CADM1: variants seen among roughly 807,000 people sequenced by gnomAD.
CADM1 encodes the protein TSLC-1.
A neutral mutation model predicts 53.1 loss-of-function variants in CADM1; 15 were observed. The observed-to-expected ratio is 0.28, with a 90% CI of 0.19 to 0.44. The LOEUF is 0.44. Ranked by LOEUF, CADM1 falls within the 20% of genes least tolerant of loss-of-function variation. CADM1 has a pLI of 1.00. For synonymous variants in CADM1, 281 were observed against 243.0 expected, an observed-to-expected ratio of 1.16 and a Z score of -1.45; for missense variants, 434 against 611.3, an observed-to-expected ratio of 0.71 and a Z score of 3.06.
chr11:115,354,568 T>A (rs558643016), intron 1 of CADM1, among the ~76,000 whole-genome samples: 2 of 152,166 alleles, frequency 1.3e-5, no homozygotes, highest in Non-Finnish European at 2.9e-5. Flanking sequence ...GATGGGAGCA[T>A]TGGAGACACA....
chr11:115,383,462 A>C (rs1946626799), intron 1 of CADM1, among the ~76,000 whole-genome samples: 1 of 152,228 alleles, frequency 6.6e-6, no homozygotes, highest in Non-Finnish European at 1.5e-5. Context: ...GCTAATAGGC[A>C]AGAAGAATAA....
intron 1 of CADM1, among the ~76,000 whole-genome samples, chr11:115,467,230 C>T (rs907957840): frequency 6.6e-6 from 1 of 152,174 alleles, no homozygotes; most frequent in South Asian, 2.1e-4. Flanking sequence ...ATTTAAGAAT[C>T]TAAATTAGGC....
intron 1 of CADM1, among the ~76,000 whole-genome samples, chr11:115,254,270 G>A (rs938176189): frequency 4.6e-5 from 7 of 152,064 alleles, no homozygotes; most frequent in Non-Finnish European, 8.8e-5. Context: ...ATGGGTGCTA[G>A]GCGCTCTCAC....
chr11:115,177,343 T>G (rs1380361262), intron 11 of CADM1, among the ~76,000 whole-genome samples: 2 of 152,072 alleles, frequency 1.3e-5, no homozygotes. Context: ...CTGGGGACAC[T>G]CTTATCACCA....
chr11:115,495,201 GAA>G (rs1285308785), intron 1 of CADM1, among the ~76,000 whole-genome samples: 1 of 152,036 alleles, frequency 6.6e-6, no homozygotes, highest in East Asian at 1.9e-4. Context: ...GTTTCTGCAA[GAA>G]AAATGAAGCA....
intron 1 of CADM1, among the ~76,000 whole-genome samples, chr11:115,246,089 G>A (rs953470926): frequency 6.6e-6 from 1 of 152,224 alleles, no homozygotes; most frequent in Admixed American, 6.5e-5. Flanking sequence ...AGGGTCCAAA[G>A]AGAGGGGCCC....
chr11:115,191,659 A>C (rs1036074856), intron 9 of CADM1, among the ~76,000 whole-genome samples: 6 of 152,206 alleles, frequency 3.9e-5, no homozygotes, highest in African/African-American at 1.4e-4. Context: ...ATTTGAATTA[A>C]AAGGGGTGAA....
At chr11:115,254,593 C>CACAGAGAGAG (rs1491508599) in intron 1 of CADM1, among the ~76,000 whole-genome samples, 2 of 136,296 alleles carry the variant, frequency 1.5e-5, no homozygotes, top group African/African-American at 5.8e-5. Flanking sequence ...CACACACACA[C>CACAGAGAGAG]AGAGACAACA....
At chr11:115,468,022 G>T (rs763185028) in intron 1 of CADM1, among the ~76,000 whole-genome samples, 2 of 152,026 alleles carry the variant, frequency 1.3e-5, no homozygotes, top group African/African-American at 2.4e-5. Flanking sequence ...TCATAACCAG[G>T]TGCTACACTC....
intron 1 of CADM1, among the ~76,000 whole-genome samples, chr11:115,436,609 C>T (rs1948189178): frequency 6.6e-6 from 1 of 152,188 alleles, no homozygotes; most frequent in South Asian, 2.1e-4. Context: ...GACAGGTTAG[C>T]TTCTCTCTCC....
At chr11:115,219,232 G>C (rs1941312200) in intron 5 of CADM1, among the ~76,000 whole-genome samples, 1 of 152,172 alleles carries the variant, frequency 6.6e-6, no homozygotes, top group African/African-American at 2.4e-5. Context: ...TGGAATAAGG[G>C]AGAAGATAGA....
At chr11:115,180,780 G>C (rs1939273732) in intron 10 of CADM1, among the ~76,000 whole-genome samples, 1 of 152,076 alleles carries the variant, frequency 6.6e-6, no homozygotes, top group South Asian at 2.1e-4. Context: ...TTGCTCATGG[G>C]GGACAAAAGT....
intron 6 of CADM1, among the ~76,000 whole-genome samples, chr11:115,216,319 GTAATTTAC>G (rs1459318351): frequency 3.3e-5 from 5 of 152,230 alleles, no homozygotes; most frequent in Non-Finnish European, 7.3e-5. Flanking sequence ...AAGGAAACAT[GTAATTTAC>G]TGTCCCCGTG....
chr11:115,343,085 G>A (rs1945490223), intron 1 of CADM1, among the ~76,000 whole-genome samples: 1 of 152,036 alleles, frequency 6.6e-6, no homozygotes, highest in Non-Finnish European at 1.5e-5. Flanking sequence ...ATCTTGTATT[G>A]TGTCCTTATT....
intron 1 of CADM1, among the ~76,000 whole-genome samples, chr11:115,500,460 C>T (rs888529235): frequency 4.6e-5 from 7 of 152,064 alleles, no homozygotes; most frequent in African/African-American, 1.7e-4. Flanking sequence ...GCAATATAGG[C>T]CAAGGAATAA....
At chr11:115,454,951 C>T (rs1948651037) in intron 1 of CADM1, among the ~76,000 whole-genome samples, 1 of 152,146 alleles carries the variant, frequency 6.6e-6, no homozygotes. Context: ...AGTTTCCTTG[C>T]CAGCCCATAA....
intron 1 of CADM1, among the ~76,000 whole-genome samples, chr11:115,308,192 G>A (rs1317401049): frequency 0.011 from 763 of 70,350 alleles, 21 homozygotes; most frequent in African/African-American, 0.04. Context: ...ACTCATAGGT[G>A]TGTATATATA....
chr11:115,209,549 T>G, intron 8 of CADM1, 25 bp downstream of exon 8: 1 of 1,612,810 alleles, frequency 6.2e-7, no homozygotes, highest in Non-Finnish European at 8.5e-7. Context: ...TCAGGACATT[T>G]TCAATGGTAA....
Position 115,374,189 on chromosome 11 carries a change from G to A in CADM1, c.124+130082C>T, listed in dbSNP as rs184234456. On this transcript the variant is annotated intron_variant, in intron 1 of 11. Transcript: ENST00000331581. ...TAAGATGAGCCTGGAATATCTTATC[G>A]CAACCAGAAAAGGATATTAGCAAAG... Among the ~76,000 whole-genome samples, 408 of 152,200 alleles carry A rather than the reference G, an allele frequency of 2.7e-3. 5 individuals carry two copies. Among genetic ancestry groups the A allele is most frequent in the Non-Finnish European group, 4.6e-3 (315 of 67,998 alleles).
Sources: allele counts gnomAD v4.1 joint callset (sites outside exome capture counted in the v4.1 genomes callset), GRCh38; gene constraint gnomAD v4.1.1; transcripts MANE v1.5; gene names NCBI Gene and HGNC (gene_info 2026-07-23, HGNC 2026-07-21).